The following ABLIM2 variants were observed in gnomAD, a reference collection of about 807,000 sequenced individuals.
ABLIM2 encodes actin-binding LIM protein 2.
Under a neutral mutation model 97.7 loss-of-function variants are expected in ABLIM2, and 53 were observed. The observed-to-expected ratio is 0.54, with a 90% CI of 0.44 to 0.68. ABLIM2 has a LOEUF of 0.68. Among genes scored for constraint, ABLIM2 ranks in the 30% least tolerant of loss-of-function variants. ABLIM2 has a pLI of 0.00. For missense variants in ABLIM2, 835 were observed against 867.2 expected (o/e 0.96, Z 0.47); for synonymous variants, 361 against 345.8 (o/e 1.04, Z -0.49).
chr4:8,105,152 T>C (rs1190165703), intron 2 of ABLIM2, among the ~76,000 whole-genome samples: 1 of 152,176 alleles, frequency 6.6e-6, no homozygotes, highest in Non-Finnish European at 1.5e-5. Context: ...AGGATTCCCT[T>C]CTGTCTGGAG....
Position 8,083,592 on chromosome 4 carries a change from G to C in ABLIM2, c.455-2790C>G, listed in dbSNP as rs777498162. 1.3e-5 allele frequency among the ~76,000 whole-genome samples: 2 copies of C among 152,244 alleles called. No homozygotes were observed. The highest frequency in any genetic ancestry group is 2.9e-5 in the Non-Finnish European group (2 of 68,048). Reference sequence around the variant, plus strand: ...CTATCAGCAGTACACGTGGAGATGAGAGCAAGGTGCAAAAGGAGCGTTGCC... The same window carrying C: ...CTATCAGCAGTACACGTGGAGATGACAGCAAGGTGCAAAAGGAGCGTTGCC... On this transcript the variant is annotated intron_variant, in intron 4 of 20. Coordinates refer to ENST00000447017, the MANE Select transcript of ABLIM2 (RefSeq NM_001130083.2). The surrounding 1 kb of genome is among the most constrained non-coding windows in gnomAD (Gnocchi z 4.6).
chr4:8,121,460 G>GAGC (rs1212354376), intron 1 of ABLIM2, among the ~76,000 whole-genome samples: 2 of 152,206 alleles, frequency 1.3e-5, no homozygotes, highest in Non-Finnish European at 2.9e-5. Flanking sequence ...CCAGAGCGAG[G>GAGC]AGCATCTGAG....
rs927643204 is a variant in ABLIM2 at position 7,986,193 on chromosome 4, C to T, written c.1681-1300G>A. Among the ~76,000 whole-genome samples the T allele has an allele frequency of 5.9e-5, 9 of 152,174 alleles. No individual in the cohort carries two copies. The highest frequency in any genetic ancestry group is 2.2e-4 in the African/African-American group (9 of 41,442). On this transcript the variant is annotated intron_variant, in intron 17 of 20. Coordinates refer to ENST00000447017, the MANE Select transcript of ABLIM2 (RefSeq NM_001130083.2). The surrounding 1 kb of genome is among the most constrained non-coding windows in gnomAD (Gnocchi z 4.3). ...GAGAGTTCTGCAGCCAAAGGAGAGA[C>T]GGTATGCTCAGCCCAGCGGGTCTGT...
rs1196935308 is a variant in ABLIM2, at chr4:8,147,266, C to G, written c.10+11414G>C. ...TTTAGCGAGTAACATTTTTTTTATC[C>G]TATGAGAAGTCATTCTCACTCTCTC... On this transcript the variant is annotated intron_variant, in intron 1 of 20. Coordinates refer to ENST00000447017, the MANE Select transcript of ABLIM2 (RefSeq NM_001130083.2). This position sits in a 1 kb window ranked among gnomAD's most constrained non-coding sequence, Gnocchi z 5.3. 1.3e-5 allele frequency among the ~76,000 whole-genome samples: 2 copies of G among 152,078 alleles called. No individual in the cohort carries two copies. The highest frequency in any genetic ancestry group is 2.4e-5 in the African/African-American group (1 of 41,390).
At chr4:8,139,261 G>A (rs1229024741) in intron 1 of ABLIM2, among the ~76,000 whole-genome samples, 2 of 145,662 alleles carry the variant, frequency 1.4e-5, no homozygotes, top group Non-Finnish European at 3.0e-5. Flanking sequence ...GGGAATGGAA[G>A]GGAAGGGAAG....
At chr4:8,076,736 TGGG>T (rs566153565) in intron 6 of ABLIM2, among the ~76,000 whole-genome samples, 1 of 45,986 alleles carries the variant, frequency 2.2e-5, no homozygotes, top group Non-Finnish European at 4.5e-5. Context: ...GCTGCAGGGT[TGGG>T]GGGGGTCTGT....
chr4:8,096,636 G>T (rs1831729603), intron 3 of ABLIM2, among the ~76,000 whole-genome samples: 1 of 152,250 alleles, frequency 6.6e-6, no homozygotes. Flanking sequence ...GTACAGAACA[G>T]AAAACAAACT....
chr4:8,009,718 C>A (rs928518196), intron 14 of ABLIM2, among the ~76,000 whole-genome samples: 4 of 152,210 alleles, frequency 2.6e-5, no homozygotes, highest in Admixed American at 1.3e-4. Flanking sequence ...TGAGAACAAG[C>A]ATTTTAAAAA....
chr4:7,970,911 G>T lies in ABLIM2; in HGVS notation c.1825-3808C>A, dbSNP rs1727419916. On this transcript the variant is annotated intron_variant, in intron 20 of 20. Transcript: ENST00000447017. This position sits in a 1 kb window ranked among gnomAD's most constrained non-coding sequence, Gnocchi z 5.3. ...CAGGGCCCAGGACTTGGGGCCAGGG[G>T]TCTAGGGGGCTGACAGGGACCACCT... 6.6e-6 allele frequency among the ~76,000 whole-genome samples: 1 copy of T among 152,036 alleles called. No homozygotes were observed. The highest frequency in any genetic ancestry group is 6.6e-5 in the Admixed American group (1 of 15,266).
rs1016256551 is a variant in ABLIM2, at chr4:8,127,642, C to A, written c.11-21005G>T. 2.3e-6 allele frequency: 3 copies of A among 1,287,638 alleles called. No individual in the cohort carries two copies. The highest frequency in any genetic ancestry group is 2.3e-5 in the Admixed American group (1 of 43,476). The allele number at this position is 1,287,638 out of a possible 1,614,324, so 79.8% of individuals were successfully genotyped here. A position where few individuals can be genotyped will look rare whatever the true frequency, so the allele number is the denominator to read the frequency against. On this transcript the variant is annotated intron_variant, in intron 1 of 20. Coordinates refer to ENST00000447017, the MANE Select transcript of ABLIM2 (RefSeq NM_001130083.2). This position sits in a 1 kb window ranked among gnomAD's most constrained non-coding sequence, Gnocchi z 7.3. ...TCTGCGTGGCTGGGCCTGGCACCCA[C>A]GGAGGATCGGGCAGGAGTGGACCGG...
intron 1 of ABLIM2, 25 bp from the exon 2 acceptor site, chr4:8,106,662 C>G (rs567801483): frequency 6.3e-7 from 1 of 1,583,044 alleles, no homozygotes; most frequent in African/African-American, 1.3e-5. Context: ...AGAAGAGCAG[C>G]GTTCAAGGGT....
In ABLIM2 at chr4:8,022,751, C is replaced by G. The variant is rs957840047; in HGVS notation, c.1268-2448G>C. On this transcript the variant is annotated intron_variant, in intron 12 of 20. Transcript: ENST00000447017. The surrounding 1 kb of genome is among the most constrained non-coding windows in gnomAD (Gnocchi z 7.8). Reference sequence around the variant, plus strand: ...GAGGCTTCGTTGGAACAAAATGCATCGCCAGCTCCCACCTGGAGCACTGTG... The same window carrying G: ...GAGGCTTCGTTGGAACAAAATGCATGGCCAGCTCCCACCTGGAGCACTGTG... 2 of 152,568 alleles carry G rather than the reference C, an allele frequency of 1.3e-5. No homozygotes were observed. The highest frequency in any genetic ancestry group is 4.8e-5 in the African/African-American group (2 of 41,456). The allele number at this position is 152,568 out of a possible 1,614,324, so 9.5% of individuals were successfully genotyped here. A position where few individuals can be genotyped will look rare whatever the true frequency, so the allele number is the denominator to read the frequency against.
chr4:8,127,510 C>A lies in ABLIM2; in HGVS notation c.11-20873G>T. ...ACTCATGGAGCTCACGGCTCCCAGC[C>A]GGATGGTCTGGGCAAAAGCGCAGTT... On this transcript the variant is annotated intron_variant, in intron 1 of 20. Transcript: ENST00000447017. This position sits in a 1 kb window ranked among gnomAD's most constrained non-coding sequence, Gnocchi z 7.3. The A allele has an allele frequency of 7.8e-7, 1 of 1,289,734 alleles. No individual in the cohort carries two copies. The highest frequency in any genetic ancestry group is 1.0e-6 in the Non-Finnish European group (1 of 988,802). The allele number at this position is 1,289,734 out of a possible 1,614,324, so 79.9% of individuals were successfully genotyped here. A position where few individuals can be genotyped will look rare whatever the true frequency, so the allele number is the denominator to read the frequency against.
At chr4:7,983,687 A>T in intron 18 of ABLIM2, 133 bp from the exon 19 acceptor site, 1 of 1,126,114 alleles carries the variant, frequency 8.9e-7, no homozygotes, top group African/African-American at 1.5e-5. Context: ...ATGGTCCCCG[A>T]GCAGCCTGCA....
rs143754025 is a variant in ABLIM2 at position 8,007,586 on chromosome 4, A to G, written c.1618+473T>C. ...AAAACACCCCTAGGGTCAGGCAGAC[A>G]CCATCACTGTCTCTCTATGAAGCCT... On this transcript the variant is annotated intron_variant, in intron 16 of 20. Coordinates refer to ENST00000447017, the MANE Select transcript of ABLIM2 (RefSeq NM_001130083.2). The G allele has an allele frequency of 5.4e-4, 532 of 988,216 alleles. 3 individuals are homozygous for G. In the African/African-American group the frequency reaches 8.1e-3, roughly 15 times the overall value. 61.2% of individuals were successfully genotyped at this position (988,216 alleles called of 1,614,324 possible). A position where few individuals can be genotyped will look rare whatever the true frequency, so the allele number is the denominator to read the frequency against.
intron 14 of ABLIM2, among the ~76,000 whole-genome samples, chr4:8,014,109 C>G (rs1473785725): frequency 6.6e-6 from 1 of 152,246 alleles, no homozygotes; most frequent in South Asian, 2.1e-4. Context: ...TTTTCTCTGC[C>G]TCCAGTGCAG....
chr4:8,077,079 G>C (rs1439741083), intron 6 of ABLIM2, among the ~76,000 whole-genome samples: 1 of 151,966 alleles, frequency 6.6e-6, no homozygotes, highest in Admixed American at 6.6e-5. Flanking sequence ...CTGGAGGGTG[G>C]GGTTTGGTCC....
chr4:8,113,873 T>C lies in ABLIM2; in HGVS notation c.11-7236A>G, dbSNP rs1841523330. On this transcript the variant is annotated intron_variant, in intron 1 of 20. Transcript: ENST00000447017. This position sits in a 1 kb window ranked among gnomAD's most constrained non-coding sequence, Gnocchi z 4.5. ...CCAGCTTCCCTTTCACACCTTTCCT[T>C]CTGACCATGGCAACGAGCAGAGCAA... 6.6e-6 allele frequency among the ~76,000 whole-genome samples: 1 copy of C among 152,240 alleles called. No individual in the cohort carries two copies. Among genetic ancestry groups the C allele is most frequent in the Admixed American group, 6.5e-5 (1 of 15,294 alleles).
intron 7 of ABLIM2, among the ~76,000 whole-genome samples, chr4:8,057,231 T>C (rs1036003991): frequency 6.6e-6 from 1 of 151,880 alleles, no homozygotes; most frequent in Non-Finnish European, 1.5e-5. Flanking sequence ...TCTGAGTAGC[T>C]GGGATTACAG....
Sources: gnomAD v4.1 joint callset for allele counts (sites outside exome capture counted in the v4.1 genomes callset) on GRCh38, gnomAD v4.1.1 for gene constraint, Gnocchi (gnomAD v3.1) non-coding constraint, MANE v1.5 for transcripts, NCBI Gene and HGNC (gene_info 2026-07-23, HGNC 2026-07-21) for gene names.